Variants in NBAS observed in about 807,000 individuals in gnomAD.
NBAS encodes the protein NAG/BC035112 fusion.
In NBAS, 219 loss-of-function variants were observed where a neutral mutation model predicts 302.5. The observed-to-expected ratio is 0.72, with a 90% CI of 0.65 to 0.81. The LOEUF (loss-of-function observed/expected upper bound fraction) is 0.81, where lower values mean the gene tolerates loss of function less well. NBAS is among the 30% of genes least tolerant of loss of function. NBAS has a pLI of 0.00. For missense variants in NBAS, 2,932 were observed against 2,841.6 expected, an observed-to-expected ratio of 1.03 and a Z score of -0.72; for synonymous variants, 1,118 against 1,021.6, an observed-to-expected ratio of 1.09 and a Z score of -1.80.
chr2:15,394,545 C>A (rs1474666012), intron 27 of NBAS, among the ~76,000 whole-genome samples, 196 bp from the exon 28 acceptor site: 1 of 152,060 alleles, frequency 6.6e-6, no homozygotes, highest in African/African-American at 2.4e-5. Flanking sequence ...TTACCTTTCT[C>A]ATTGACTTTT....
chr2:14,846,324 C>A, the NBAS span, among the ~76,000 whole-genome samples: 2 of 151,468 alleles, frequency 1.3e-5, no homozygotes. Context: ...ATAATATATC[C>A]AGTGAAAATA....
the NBAS span, among the ~76,000 whole-genome samples, chr2:14,988,851 T>A: frequency 6.6e-6 from 1 of 152,156 alleles, no homozygotes; most frequent in Non-Finnish European, 1.5e-5. Flanking sequence ...TGCAAATTTG[T>A]AAGACTAGGA....
intron 9 of NBAS, among the ~76,000 whole-genome samples, chr2:15,513,587 T>A: frequency 6.9e-6 from 1 of 144,412 alleles, no homozygotes; most frequent in East Asian, 2.0e-4. Context: ...AGTGAGAAAA[T>A]ACAAAATAAA....
At chr2:14,978,588 A>G in the NBAS span, among the ~76,000 whole-genome samples, 1 of 152,238 alleles carries the variant, frequency 6.6e-6, no homozygotes, top group South Asian at 2.1e-4. Context: ...TAGGTAGACA[A>G]CTAACACTTG....
chr2:15,246,801 G>C (rs1481079707), intron 44 of NBAS, among the ~76,000 whole-genome samples: 1 of 152,184 alleles, frequency 6.6e-6, no homozygotes. Context: ...ATCTGCCTTG[G>C]GCTGAGTGCT....
Position 15,407,912 on chromosome 2 carries a change from T to A in NBAS, c.2938-5611A>T, listed in dbSNP as rs146419294. 6.8e-3 allele frequency among the ~76,000 whole-genome samples: 1,029 copies of A among 152,240 alleles called. 11 individuals are homozygous for A. The highest frequency in any genetic ancestry group is 0.022 in the African/African-American group (928 of 41,538). ...CTGATGTTCTAGGAGAGAACCCACT[T>A]CCTTACCTTTTCCAGCTTCTAGAGG... On this transcript the variant is annotated intron_variant, in intron 25 of 51. Transcript: ENST00000281513.
At position 15,539,234 on chromosome 2, in the gene NBAS, C is replaced by A; in HGVS notation, c.502G>T (p.Val168Phe). ...VFDLMGSELF[V>F]ISPASSFIGD... is the part of the protein sequence containing the mutation. ...AGCTATGTACATACCGGGGAAATGA[C>A]AAAGAGTTCACTTCCCATGAGATCA... The change falls in exon 7 of 52, where the codon GTC becomes TTC. Residue 168 changes from valine to phenylalanine, a missense_variant. Transcript: ENST00000281513. The A allele has an allele frequency of 6.2e-7, 1 of 1,614,158 alleles. No individual in the cohort carries two copies. The highest frequency in any genetic ancestry group is 8.5e-7 in the Non-Finnish European group (1 of 1,180,022).
At chr2:15,504,712 A>G (rs1661757715) in intron 10 of NBAS, among the ~76,000 whole-genome samples, 1 of 152,196 alleles carries the variant, frequency 6.6e-6, no homozygotes, top group Non-Finnish European at 1.5e-5. Flanking sequence ...TTCAGTGGAA[A>G]ATAACATTGT....
At chr2:15,019,545 A>T in the NBAS span, among the ~76,000 whole-genome samples, 5 of 152,180 alleles carry the variant, frequency 3.3e-5, no homozygotes, top group African/African-American at 1.2e-4. Flanking sequence ...TGAGGTAATC[A>T]TGTGGTCTGA....
At chr2:14,977,895 T>C in the NBAS span, among the ~76,000 whole-genome samples, 2 of 152,076 alleles carry the variant, frequency 1.3e-5, no homozygotes, top group Admixed American at 6.6e-5. Flanking sequence ...TTCTCTCTGT[T>C]AAAAAAAGAA....
At chr2:15,474,388 T>C (rs1680098339) in intron 14 of NBAS, 64 bp from the exon 15 acceptor site, 3 of 1,424,310 alleles carry the variant, frequency 2.1e-6, no homozygotes, top group South Asian at 1.3e-5. Context: ...TTAGAATTAA[T>C]GAAAGAAAAT....
chr2:14,793,718 A>G, the NBAS span, among the ~76,000 whole-genome samples: 6 of 152,304 alleles, frequency 3.9e-5, no homozygotes, highest in East Asian at 1.2e-3. Context: ...CAAGAAACTG[A>G]GTAAACACCA....
chr2:14,819,160 G>A, the NBAS span, among the ~76,000 whole-genome samples: 137 of 152,306 alleles, frequency 9.0e-4, no homozygotes, highest in Non-Finnish European at 3.2e-4. Flanking sequence ...GTGACTTAGT[G>A]TTTATTTCTG....
At position 15,494,582 on chromosome 2, in the gene NBAS, T is replaced by C. The variant is rs191328014; in HGVS notation, c.955-5560A>G. Among the ~76,000 whole-genome samples the C allele has an allele frequency of 1.7e-4, 26 of 152,316 alleles. No homozygotes were observed. In the East Asian group the frequency reaches 5.0e-3, roughly 29 times the overall value. On this transcript the variant is annotated intron_variant, in intron 11 of 51. Transcript: ENST00000281513. ...TTTATATTGGAGGAATATATTGATA[T>C]TTAATTCTTCTAACTAGTACTTTAC... is the stretch of plus-strand genomic sequence containing the variant.
In NBAS at chr2:15,390,807, T is replaced by C. The variant is rs546484159; in HGVS notation, c.3257+3420A>G. ...ATACAAGAAGGAAAAATTCATAATG[T>C]CTAGTATTCAATAAAATTATTTTGC... On this transcript the variant is annotated intron_variant, in intron 28 of 51. Transcript: ENST00000281513. Among the ~76,000 whole-genome samples the C allele has an allele frequency of 1.2e-4, 18 of 152,224 alleles. 1 individual carries two copies. The South Asian group carries it at 1.5e-3, about 12-fold the overall frequency.
At chr2:15,330,528 A>G (rs1444874984) in intron 36 of NBAS, 70 bp downstream of exon 36, 1 of 1,591,040 alleles carries the variant, frequency 6.3e-7, no homozygotes, top group African/African-American at 1.3e-5. Context: ...CAGTGAAAAC[A>G]ACTGAAACAT....
the NBAS span, among the ~76,000 whole-genome samples, chr2:14,923,310 A>G: frequency 6.6e-6 from 1 of 152,164 alleles, no homozygotes; most frequent in African/African-American, 2.4e-5. Context: ...TTAGAGGCTC[A>G]TAGTCTCTGG....
At chr2:15,400,681 C>A (rs1029651807) in intron 26 of NBAS, among the ~76,000 whole-genome samples, 1 of 152,270 alleles carries the variant, frequency 6.6e-6, no homozygotes, top group African/African-American at 2.4e-5. Flanking sequence ...ATTACTAATA[C>A]CAGTCTTAGA....
At chr2:15,163,531 T>C (rs917266308), downstream of NBAS, among the ~76,000 whole-genome samples, 1 of 152,212 alleles carries the variant, frequency 6.6e-6, no homozygotes, top group Non-Finnish European at 1.5e-5. Flanking sequence ...ACATTTTCCT[T>C]GGGTGATTCT....
Sources: gnomAD v4.1 joint callset for allele counts (sites outside exome capture counted in the v4.1 genomes callset) on GRCh38, gnomAD v4.1.1 for gene constraint, MANE v1.5 for transcripts, NCBI Gene and HGNC (gene_info 2026-07-23, HGNC 2026-07-21) for gene names.